The following DSCAM variants were observed in gnomAD, a reference collection of about 807,000 sequenced individuals.
The protein encoded by DSCAM is DS cell adhesion molecule.
In DSCAM, 47 loss-of-function variants were observed where a neutral mutation model predicts 217.7. The ratio of observed to expected loss-of-function variants is 0.22; its 90% CI spans 0.17 to 0.28. DSCAM has a LOEUF of 0.28. Among genes scored for constraint, DSCAM ranks in the 10% least tolerant of loss-of-function variants. DSCAM has a pLI of 1.00. For synonymous variants in DSCAM, 1,056 were observed against 1,015.3 expected (o/e 1.04, Z -0.76); for missense variants, 2,080 against 2,618.3 (o/e 0.79, Z 4.49).
At chr21:40,733,418 T>C (rs141093898) in intron 1 of DSCAM, among the ~76,000 whole-genome samples, 12 of 152,290 alleles carry the variant, frequency 7.9e-5, no homozygotes, top group African/African-American at 1.9e-4. Flanking sequence ...TAGGGAAAAT[T>C]AGCAATGTTT....
At chr21:40,663,136 T>C (rs916615452) in intron 3 of DSCAM, among the ~76,000 whole-genome samples, 13 of 49,804 alleles carry the variant, frequency 2.6e-4, no homozygotes, top group Admixed American at 1.6e-3. Context: ...ATGTGGTGTG[T>C]GCATGTATGC....
chr21:40,642,706 C>A (rs1156807071), intron 3 of DSCAM, among the ~76,000 whole-genome samples: 1 of 152,184 alleles, frequency 6.6e-6, no homozygotes, highest in African/African-American at 2.4e-5. Flanking sequence ...CCCTAGCCAC[C>A]CAAAGTAGCT....
At position 40,418,127 on chromosome 21, in the gene DSCAM, A is replaced by G. The variant is rs370572363; in HGVS notation, c.509-48882T>C. 3.9e-5 allele frequency among the ~76,000 whole-genome samples: 6 copies of G among 152,280 alleles called. No individual in the cohort carries two copies. In the South Asian group the frequency reaches 1.2e-3, roughly 32 times the overall value. ...AGAACCTTCATGAACATGAAGCCAG[A>G]GTATCAGTTGTGTTCGGCAGGAGAT... On this transcript the variant is annotated intron_variant, in intron 3 of 32. Coordinates refer to ENST00000400454, the MANE Select transcript of DSCAM (RefSeq NM_001389.5).
At chr21:40,044,816 CAAGG>C (rs1289804704) in intron 30 of DSCAM, among the ~76,000 whole-genome samples, 1 of 152,200 alleles carries the variant, frequency 6.6e-6, no homozygotes, top group African/African-American at 2.4e-5. Flanking sequence ...TTCTGTAAAA[CAAGG>C]AAGCTCAGCC....
intron 3 of DSCAM, among the ~76,000 whole-genome samples, chr21:40,524,235 T>C (rs905178477): frequency 2.6e-5 from 4 of 152,170 alleles, no homozygotes; most frequent in African/African-American, 7.2e-5. Context: ...TTTTAATCTG[T>C]CATTTTCCAA....
intron 1 of DSCAM, among the ~76,000 whole-genome samples, chr21:40,804,540 C>T (rs1004540077): frequency 6.6e-6 from 1 of 152,100 alleles, no homozygotes; most frequent in African/African-American, 2.4e-5. Context: ...CCCAGCACAC[C>T]TTCCTGGAGA....
chr21:40,023,365 T>G (rs543150635), intron 32 of DSCAM, among the ~76,000 whole-genome samples: 2,669 of 151,878 alleles, frequency 0.018, 72 homozygotes, highest in African/African-American at 0.056. Flanking sequence ...ATGATTTATA[T>G]TCCTTTGGGT....
At chr21:40,315,126 T>C (rs2074181405) in intron 8 of DSCAM, among the ~76,000 whole-genome samples, 1 of 152,014 alleles carries the variant, frequency 6.6e-6, no homozygotes, top group Non-Finnish European at 1.5e-5. Flanking sequence ...AGGCCGGGTG[T>C]GGTGGCTCAC....
chr21:40,276,086 TTC>T lies in DSCAM; in HGVS notation c.2356+9_2356+10del, dbSNP rs1313801390. 2 of 1,548,096 alleles carry T rather than the reference TTC, an allele frequency of 1.3e-6. No individual in the cohort carries two copies. Among genetic ancestry groups the T allele is most frequent in the African/African-American group, 2.8e-5 (2 of 72,420 alleles). On this transcript the variant is annotated intron_variant, in intron 11 of 32. Transcript: ENST00000400454. ...TAAACTAGGTAAAACGAAGCATTTC[TTC>T]TCTCTTACTTTTAACCGTGAGGTAC...
At chr21:40,155,768 G>A (rs1476500911) in intron 16 of DSCAM, among the ~76,000 whole-genome samples, 3 of 152,118 alleles carry the variant, frequency 2.0e-5, no homozygotes, top group East Asian at 3.9e-4. Context: ...TGAGATGAAG[G>A]CACATCCACA....
At chr21:40,328,432 GATC>G (rs1428965047) in intron 8 of DSCAM, among the ~76,000 whole-genome samples, 1 of 152,060 alleles carries the variant, frequency 6.6e-6, no homozygotes, top group Admixed American at 6.6e-5. Flanking sequence ...AATGGAATTA[GATC>G]ATTAACTTTA....
chr21:40,841,141 G>A (rs1329011840), intron 1 of DSCAM, among the ~76,000 whole-genome samples: 1 of 152,146 alleles, frequency 6.6e-6, no homozygotes, highest in African/African-American at 2.4e-5. Context: ...AGGATAATAT[G>A]GAGGGAACTG....
chr21:40,455,160 T>C (rs2075753039), intron 3 of DSCAM, among the ~76,000 whole-genome samples: 1 of 152,074 alleles, frequency 6.6e-6, no homozygotes, highest in Admixed American at 6.5e-5. Context: ...TTGATATCAA[T>C]GTAATGTAAG....
At chr21:40,399,872 T>C (rs550483216) in intron 3 of DSCAM, among the ~76,000 whole-genome samples, 1 of 152,362 alleles carries the variant, frequency 6.6e-6, no homozygotes, top group South Asian at 2.1e-4. Context: ...TTTTGTCTGA[T>C]GTAGCAAGTA....
intron 3 of DSCAM, among the ~76,000 whole-genome samples, chr21:40,506,332 C>T (rs747836240): frequency 6.6e-6 from 1 of 152,182 alleles, no homozygotes; most frequent in Non-Finnish European, 1.5e-5. Context: ...TGCCATTTCT[C>T]AGAATGTGCT....
rs1294812986 is a variant in DSCAM at position 40,325,110 on chromosome 21, C to T, written c.1784-12751G>A. On this transcript the variant is annotated intron_variant, in intron 8 of 32. Transcript: ENST00000400454. ...GACGTTGGCTTAGAAAAGGTCATAG[C>T]TCTTTAGAAGCTTGGTTAATAATAA... 2.0e-5 allele frequency among the ~76,000 whole-genome samples: 3 copies of T among 152,112 alleles called. No homozygotes were observed. The East Asian group carries it at 5.8e-4, about 29-fold the overall frequency.
chr21:40,134,112 G>A (rs546897961), intron 18 of DSCAM, 103 bp from the exon 19 acceptor site: 42 of 1,407,688 alleles, frequency 3.0e-5, no homozygotes, highest in African/African-American at 2.5e-4. Flanking sequence ...GCCATCACCC[G>A]TCCAGCCATC....
chr21:40,814,182 G>A (rs1401637861), intron 1 of DSCAM, among the ~76,000 whole-genome samples: 3 of 152,158 alleles, frequency 2.0e-5, no homozygotes, highest in African/African-American at 7.2e-5. Flanking sequence ...CTTTATTTGT[G>A]GCCTCCAGCA....
intron 3 of DSCAM, among the ~76,000 whole-genome samples, chr21:40,394,224 TC>T (rs1291061181): frequency 6.6e-6 from 1 of 152,206 alleles, no homozygotes; most frequent in Non-Finnish European, 1.5e-5. Context: ...AGAACAATGA[TC>T]TTTATTGCTT....
Sources: allele counts gnomAD v4.1 joint callset (sites outside exome capture counted in the v4.1 genomes callset), GRCh38; gene constraint gnomAD v4.1.1; transcripts MANE v1.5; gene names NCBI Gene and HGNC (gene_info 2026-07-23, HGNC 2026-07-21).